AP1G1: variants seen among roughly 807,000 people sequenced by gnomAD.
AP1G1 encodes adaptor related protein complex 1 subunit gamma 1, also known as AP-1 complex subunit gamma-1.
A neutral mutation model predicts 108.3 loss-of-function variants in AP1G1; 7 were observed. The ratio of observed to expected loss-of-function variants is 0.06; its 90% CI spans 0.04 to 0.12. The LOEUF (loss-of-function observed/expected upper bound fraction) is 0.12, where lower values mean the gene tolerates loss of function less well. Among genes scored for constraint, AP1G1 ranks in the 10% least tolerant of loss-of-function variants. AP1G1 has a pLI of 1.00. For missense variants in AP1G1, 756 were observed against 1,010.7 expected (o/e 0.75, Z 3.42); for synonymous variants, 379 against 353.5 (o/e 1.07, Z -0.81).
intron 1 of AP1G1, 168 bp downstream of exon 1, chr16:71,808,595 C>G (rs1015391216): frequency 7.8e-7 from 1 of 1,289,400 alleles, no homozygotes; most frequent in Non-Finnish European, 1.0e-6. Flanking sequence ...GTCGGAGCAG[C>G]CCCTGGGGCT....
chr16:71,793,158 T>G (rs1294667831), intron 1 of AP1G1, among the ~76,000 whole-genome samples: 1 of 152,158 alleles, frequency 6.6e-6, no homozygotes, highest in East Asian at 1.9e-4. Context: ...TGGCACAAGA[T>G]CCTGTCTCAA....
intron 1 of AP1G1, among the ~76,000 whole-genome samples, chr16:71,805,111 C>T (rs1157596598): frequency 6.6e-6 from 1 of 152,048 alleles, no homozygotes; most frequent in Admixed American, 6.6e-5. Flanking sequence ...GCATTAGAAA[C>T]TGAGTAAAAG....
rs375046858 is a variant in AP1G1, at chr16:71,765,356, T to C, written c.738+133A>G. 28 of 596,252 alleles carry C rather than the reference T, an allele frequency of 4.7e-5. No homozygotes were observed. The East Asian group carries it at 5.2e-4, about 11-fold the overall frequency. 36.9% of individuals were successfully genotyped at this position (596,252 alleles called of 1,614,324 possible). Reference sequence around the variant, plus strand: ...CCTCTTAATCTAATATAGAATTGTGTCACTATTCATTAATATAATTAATCA... The same window carrying C: ...CCTCTTAATCTAATATAGAATTGTGCCACTATTCATTAATATAATTAATCA... On this transcript the variant is annotated intron_variant, in intron 7 of 22. Transcript: ENST00000299980.
In AP1G1 at chr16:71,736,098, C is replaced by CAAAAAAAAAAAAAAAAAAAA. The variant is rs1213680207; in HGVS notation, c.2269-1411_2269-1392dup. Among the ~76,000 whole-genome samples, 4 of 25,426 alleles carry CAAAAAAAAAAAAAAAAAAAA rather than the reference C, an allele frequency of 1.6e-4. 1 individual carries two copies. Among genetic ancestry groups the CAAAAAAAAAAAAAAAAAAAA allele is most frequent in the South Asian group, 8.2e-3 (1 of 122 alleles). The allele number at this position is 25,426 out of a possible 152,430, so 16.7% of individuals were successfully genotyped here. The stretch of plus-strand genomic sequence containing the variant: ...TGGGTGACAGAGTGAGACTCCATCT[C>CAAAAAAAAAAAAAAAAAAAA]AAAAAAAAAAAAAAAAAAAATATAT... On this transcript the variant is annotated intron_variant, in intron 21 of 22. Coordinates refer to ENST00000299980, the MANE Select transcript of AP1G1 (RefSeq NM_001128.6).
chr16:71,755,288 T>G (rs2030719749), intron 12 of AP1G1, among the ~76,000 whole-genome samples: 1 of 151,682 alleles, frequency 6.6e-6, no homozygotes, highest in Admixed American at 6.6e-5. Flanking sequence ...AACCCAGAAA[T>G]TAGCAGGGTG....
At chr16:71,808,660 G>A (rs574563157) in intron 1 of AP1G1, 103 bp downstream of exon 1, 6 of 1,289,196 alleles carry the variant, frequency 4.7e-6, no homozygotes, top group South Asian at 3.7e-5. Context: ...CCCACAGCCT[G>A]GGACTGGACC....
At position 71,731,639 on chromosome 16, in the gene AP1G1, CTCAATT is replaced by C. The variant is rs755253799; in HGVS notation, c.*1413_*1418del. 6.6e-6 allele frequency: 1 copy of C among 152,508 alleles called. No homozygotes were observed. Among genetic ancestry groups the C allele is most frequent in the Non-Finnish European group, 1.5e-5 (1 of 68,028 alleles). 9.4% of individuals were successfully genotyped at this position (152,508 alleles called of 1,614,324 possible). A position where few individuals can be genotyped will look rare whatever the true frequency, so the allele number is the denominator to read the frequency against. ...AGTCACCTCTACTTCATTCCAGCAA[CTCAATT>C]TCAAAGTTTGATAACATATGGGTCC... On this transcript the variant is annotated 3_prime_UTR_variant, in exon 23 of 23. Coordinates refer to ENST00000299980, the MANE Select transcript of AP1G1 (RefSeq NM_001128.6).
At chr16:71,742,209 G>A (rs575780580) in intron 19 of AP1G1, 4 of 152,032 alleles carry the variant, frequency 2.6e-5, no homozygotes, top group Non-Finnish European at 4.4e-5. Flanking sequence ...CACAATAAAT[G>A]AGCTAAGGAT....
intron 6 of AP1G1, chr16:71,766,531 G>C (rs973920214): frequency 6.1e-5 from 26 of 423,068 alleles, no homozygotes; most frequent in Admixed American, 8.1e-5. Context: ...TCAATTTTTA[G>C]CTATATAAAC....
intron 2 of AP1G1, among the ~76,000 whole-genome samples, chr16:71,787,570 C>T (rs1447827526): frequency 6.6e-6 from 1 of 152,174 alleles, no homozygotes; most frequent in Non-Finnish European, 1.5e-5. Flanking sequence ...TAATGCTTAT[C>T]GCTGAGGAAT....
intron 6 of AP1G1, among the ~76,000 whole-genome samples, chr16:71,767,352 C>A (rs2031357383): frequency 6.6e-6 from 1 of 152,104 alleles, no homozygotes; most frequent in South Asian, 2.1e-4. Context: ...TCAGTTGGTG[C>A]CCACTACTCT....
chr16:71,766,317 T>C (rs879799591), intron 6 of AP1G1: 4 of 364,598 alleles, frequency 1.1e-5, no homozygotes, highest in Non-Finnish European at 2.3e-5. Flanking sequence ...AATGAGACTA[T>C]ACATTCCTTA....
At chr16:71,798,355 C>A (rs769692061) in intron 1 of AP1G1, among the ~76,000 whole-genome samples, 1 of 152,082 alleles carries the variant, frequency 6.6e-6, no homozygotes, top group African/African-American at 2.4e-5. Flanking sequence ...CGTGCCACCA[C>A]GCTCAGCTAA....
At chr16:71,745,702 C>A in intron 17 of AP1G1, 88 bp from the exon 18 acceptor site, 1 of 1,122,346 alleles carries the variant, frequency 8.9e-7, no homozygotes, top group Non-Finnish European at 1.3e-6. Context: ...TGAGCCCAAG[C>A]ATGGAGATCT....
chr16:71,761,063 A>G (rs551645917), intron 10 of AP1G1, among the ~76,000 whole-genome samples: 178 of 152,346 alleles, frequency 1.2e-3, no homozygotes, highest in African/African-American at 4.1e-3. Context: ...AACAAACTAC[A>G]GCCCACCTGT....
At chr16:71,778,768 G>A (rs2173702) in intron 2 of AP1G1, among the ~76,000 whole-genome samples, 133,937 of 151,482 alleles carry the variant, frequency 0.88, 59,365 homozygotes, top group East Asian at 0.99. Context: ...GGTTTGGGGG[G>A]AAAAAGTACA....
intron 16 of AP1G1, 117 bp from the exon 17 acceptor site, chr16:71,746,809 T>C: frequency 1.5e-6 from 1 of 671,148 alleles, no homozygotes; most frequent in South Asian, 2.1e-5. Context: ...TCATTTTTTC[T>C]TAATTTATAT....
At chr16:71,766,288 C>T in intron 6 of AP1G1, 2 of 220,512 alleles carry the variant, frequency 9.1e-6, no homozygotes, top group South Asian at 1.2e-4. Context: ...GGCTTTATGG[C>T]CTGTTTTCTT....
rs1468094490 is a variant in AP1G1, at chr16:71,789,193, T to C, written c.201+86A>G. ...GATCAGACTACAAGGCTATCAAAAGTACCTCCCCACCAGAAAAAGATGGAC... is the reference window on the plus strand; with the variant it reads ...GATCAGACTACAAGGCTATCAAAAGCACCTCCCCACCAGAAAAAGATGGAC... On this transcript the variant is annotated intron_variant, in intron 2 of 22. Coordinates refer to ENST00000299980, the MANE Select transcript of AP1G1 (RefSeq NM_001128.6). The C allele has an allele frequency of 1.3e-5, 16 of 1,272,210 alleles. No individual in the cohort carries two copies. In the South Asian group the frequency reaches 1.4e-4, roughly 11 times the overall value. The allele number at this position is 1,272,210 out of a possible 1,614,324, so 78.8% of individuals were successfully genotyped here. A position where few individuals can be genotyped will look rare whatever the true frequency, so the allele number is the denominator to read the frequency against.
Sources: gnomAD v4.1 joint callset for allele counts (sites outside exome capture counted in the v4.1 genomes callset) on GRCh38, gnomAD v4.1.1 for gene constraint, MANE v1.5 for transcripts, NCBI Gene and HGNC (gene_info 2026-07-23, HGNC 2026-07-21) for gene names.